Variants in PCDHGA3 observed in about 807,000 individuals in gnomAD.
The protein encoded by PCDHGA3 is protocadherin gamma subfamily A, 3.
In PCDHGA3, 40 loss-of-function variants were observed where a neutral mutation model predicts 58.5. The ratio of observed to expected loss-of-function variants is 0.68; its 90% CI spans 0.53 to 0.89. The LOEUF (loss-of-function observed/expected upper bound fraction) is 0.89, where lower values mean the gene tolerates loss of function less well. PCDHGA3 is among the 40% of genes least tolerant of loss of function. The pLI is 0.00. For missense variants in PCDHGA3, 1,223 were observed against 1,195.9 expected (o/e 1.02, Z -0.33); for synonymous variants, 530 against 525.7 (o/e 1.01, Z -0.11).
intron 1 of PCDHGA3, among the ~76,000 whole-genome samples, chr5:141,381,832 T>TTTG (rs1185630457): frequency 7.4e-6 from 1 of 135,134 alleles, no homozygotes; most frequent in Non-Finnish European, 1.6e-5. Flanking sequence ...TCTTCTTTTT[T>TTTG]TTTTTTTTTT....
At chr5:141,415,611 A>G in intron 1 of PCDHGA3, 1 of 1,613,152 alleles carries the variant, frequency 6.2e-7, no homozygotes, top group Non-Finnish European at 8.5e-7. Context: ...CATTGGTTCC[A>G]GTGAGTTTTA....
At chr5:141,387,016 T>C (rs2090783508) in intron 1 of PCDHGA3, among the ~76,000 whole-genome samples, 1 of 152,202 alleles carries the variant, frequency 6.6e-6, no homozygotes, top group South Asian at 2.1e-4. Flanking sequence ...ACTTTGAAGA[T>C]GAATGTTGTA....
At chr5:141,400,339 A>G in intron 1 of PCDHGA3, 1 of 1,613,986 alleles carries the variant, frequency 6.2e-7, no homozygotes. Flanking sequence ...GGTTCCCCCC[A>G]ACTACAGTCA....
At position 141,345,971 on chromosome 5, in the gene PCDHGA3, C is replaced by G. The variant is rs1192007783; in HGVS notation, c.1938C>G (p.Val646=). The change falls in exon 1 of 4, where the codon GTC becomes GTG. Residue 646 remains valine (V), a synonymous_variant. Transcript: ENST00000253812. ...TCAAGCAGAGCCTCGTGGTGGCCGT[C>G]CAGGACCACGGCCAGCCCCCTCTCT... The part of the protein sequence containing the change: ...DALKQSLVVA[V]QDHGQPPLSA... 5.0e-6 allele frequency: 8 copies of G among 1,613,462 alleles called. No homozygotes were observed. In the East Asian group the frequency reaches 1.6e-4, roughly 31 times the overall value.
chr5:141,379,850 ATTATTGTCTTATTCTTAT>A (rs1302175225), intron 1 of PCDHGA3, among the ~76,000 whole-genome samples: 1 of 133,230 alleles, frequency 7.5e-6, no homozygotes, highest in African/African-American at 2.8e-5. Flanking sequence ...AAACTACCAA[ATTATTGTCTTATTCTTAT>A]TTTATGGTCT....
In PCDHGA3 at chr5:141,344,308, G is replaced by A. The variant is rs1018408002; in HGVS notation, c.275G>A (p.Arg92Gln). ...GSLVTAERID[R>Q]EELCAQIPLC... ...TTGGTCACCGCGGAGAGGATAGACCGGGAGGAGCTCTGCGCTCAGATCCCG... is the reference window on the plus strand; with the variant it reads ...TTGGTCACCGCGGAGAGGATAGACCAGGAGGAGCTCTGCGCTCAGATCCCG... Residue 92 changes from arginine (R) to glutamine (Q), a missense_variant, in exon 1 of 4, where the codon CGG becomes CAG. Arg to Gln is a conservative substitution (Grantham distance 43, BLOSUM62 1). Coordinates refer to ENST00000253812, the MANE Select transcript of PCDHGA3 (RefSeq NM_018916.4). The A allele has an allele frequency of 1.9e-6, 3 of 1,614,068 alleles. No individual in the cohort carries two copies. Among genetic ancestry groups the A allele is most frequent in the East Asian group, 2.2e-5 (1 of 44,886 alleles).
intron 1 of PCDHGA3, chr5:141,408,692 A>C: frequency 6.2e-7 from 1 of 1,613,906 alleles, no homozygotes; most frequent in Non-Finnish European, 8.5e-7. Context: ...TGATATAAAC[A>C]TAAACTCAAT....
chr5:141,394,004 A>C (rs1220367944), intron 1 of PCDHGA3: 3 of 1,613,496 alleles, frequency 1.9e-6, no homozygotes. Flanking sequence ...TAGAAAAGTC[A>C]ATAGGTAATT....
At chr5:141,393,730 G>A in intron 1 of PCDHGA3, 1 of 1,613,842 alleles carries the variant, frequency 6.2e-7, no homozygotes, top group Non-Finnish European at 8.5e-7. Context: ...ATAGCAAAAA[G>A]TCTAGATTAT....
chr5:141,356,183 G>A lies in PCDHGA3; in HGVS notation c.2424+9726G>A, dbSNP rs368314579. 5.8e-5 allele frequency: 94 copies of A among 1,611,184 alleles called. No homozygotes were observed. Among genetic ancestry groups the A allele is most frequent in the Non-Finnish European group, 7.6e-5 (89 of 1,178,602 alleles). On this transcript the variant is annotated intron_variant, in intron 1 of 3. Transcript: ENST00000253812. The stretch of plus-strand genomic sequence containing the variant: ...GAAGCCCATGATGGGCCTGGTCTCC[G>A]AGCTAGAAGCAAGGTACTGGTGACA...
chr5:141,474,210 A>G (rs1054533367), intron 1 of PCDHGA3, among the ~76,000 whole-genome samples: 3 of 152,230 alleles, frequency 2.0e-5, no homozygotes, highest in Non-Finnish European at 4.4e-5. Context: ...ATTTTCAAAA[A>G]CCAGATTGTG....
intron 1 of PCDHGA3, chr5:141,388,866 C>A (rs2091521937): frequency 2.5e-6 from 4 of 1,613,832 alleles, no homozygotes; most frequent in Non-Finnish European, 3.4e-6. Flanking sequence ...AATGATTGCG[C>A]AATGCACAGT....
intron 1 of PCDHGA3, chr5:141,392,144 A>G (rs1172213450): frequency 6.6e-6 from 1 of 152,224 alleles, no homozygotes; most frequent in Admixed American, 6.5e-5. Flanking sequence ...AGTAGTTTAA[A>G]CCAAATAAAA....
Position 141,476,263 on chromosome 5 carries a change from C to T in PCDHGA3, c.2425-18544C>T. 1 of 1,613,940 alleles carries T rather than the reference C, an allele frequency of 6.2e-7. No individual in the cohort carries two copies. The highest frequency in any genetic ancestry group is 8.5e-7 in the Non-Finnish European group (1 of 1,180,010). Reference sequence around the variant, plus strand: ...GAGAGAAGGGTTTCGCTGTGGGCAACGTGGTCGCGAACCTTGGTTTGGATC... The same window carrying T: ...GAGAGAAGGGTTTCGCTGTGGGCAATGTGGTCGCGAACCTTGGTTTGGATC... On this transcript the variant is annotated intron_variant, in intron 1 of 3. Transcript: ENST00000253812. The surrounding 1 kb of genome is among the most constrained non-coding windows in gnomAD (Gnocchi z 7.6).
intron 1 of PCDHGA3, chr5:141,356,168 A>G: frequency 6.2e-7 from 1 of 1,613,078 alleles, no homozygotes; most frequent in Non-Finnish European, 8.5e-7. Context: ...GAAGCCCATG[A>G]TGGGCCTGGT....
At chr5:141,510,863 A>G in intron 3 of PCDHGA3, 84 bp from the exon 4 acceptor site, 1 of 1,607,492 alleles carries the variant, frequency 6.2e-7, no homozygotes, top group African/African-American at 1.3e-5. Flanking sequence ...CTGTATAGGC[A>G]TTCATTAACT....
intron 1 of PCDHGA3, chr5:141,362,561 GC>G (rs753422922): frequency 2.5e-6 from 4 of 1,608,504 alleles, no homozygotes; most frequent in Non-Finnish European, 3.4e-6. Flanking sequence ...TTGAAGGTGA[GC>G]TTTAATTAAT....
intron 1 of PCDHGA3, chr5:141,419,481 C>A (rs2096389716): frequency 2.5e-6 from 4 of 1,612,424 alleles, no homozygotes; most frequent in Non-Finnish European, 3.4e-6. Context: ...GGCTCGCCCG[C>A]GCTCAGCGCC....
intron 1 of PCDHGA3, chr5:141,360,993 A>G: frequency 1.2e-6 from 2 of 1,613,632 alleles, no homozygotes; most frequent in Non-Finnish European, 1.7e-6. Context: ...ATGTGGACGA[A>G]CAAGTGAAAC....
Sources: gnomAD v4.1 joint callset for allele counts (sites outside exome capture counted in the v4.1 genomes callset) on GRCh38, gnomAD v4.1.1 for gene constraint, Gnocchi (gnomAD v3.1) non-coding constraint, MANE v1.5 for transcripts, NCBI Gene and HGNC (gene_info 2026-07-23, HGNC 2026-07-21) for gene names.